The following NPAS3 variants were observed in gnomAD, a reference collection of about 807,000 sequenced individuals.
The protein encoded by NPAS3 is neuronal PAS domain-containing protein 3.
A neutral mutation model predicts 73.1 loss-of-function variants in NPAS3; 14 were observed. The observed-to-expected ratio is 0.19, with a 90% CI of 0.13 to 0.30. The LOEUF (loss-of-function observed/expected upper bound fraction) is 0.30, where lower values mean the gene tolerates loss of function less well. NPAS3 is among the 10% of genes least tolerant of loss of function. The pLI is 1.00. For missense variants in NPAS3, 1,096 were observed against 1,250.0 expected (o/e 0.88, Z 1.86); for synonymous variants, 620 against 541.5 (o/e 1.14, Z -2.01).
At chr14:33,141,650 A>G (rs2044048177) in intron 2 of NPAS3, among the ~76,000 whole-genome samples, 3 of 152,224 alleles carry the variant, frequency 2.0e-5, no homozygotes, top group Admixed American at 1.3e-4. Context: ...TACAATACAT[A>G]TATGGATATA....
At chr14:33,727,129 T>C (rs1566472641) in intron 6 of NPAS3, among the ~76,000 whole-genome samples, 1 of 152,136 alleles carries the variant, frequency 6.6e-6, no homozygotes. Flanking sequence ...CATCTGTGCC[T>C]GAGATGGAGA....
At chr14:33,466,983 T>C (rs993826087) in intron 4 of NPAS3, among the ~76,000 whole-genome samples, 4 of 152,194 alleles carry the variant, frequency 2.6e-5, no homozygotes, top group African/African-American at 9.7e-5. Context: ...AAAAGTTTCA[T>C]GTCTAATATA....
At chr14:33,645,737 C>T (rs189766793) in intron 5 of NPAS3, among the ~76,000 whole-genome samples, 282 of 152,302 alleles carry the variant, frequency 1.9e-3, no homozygotes, top group African/African-American at 6.6e-3. Flanking sequence ...AGCTTGCTGC[C>T]ATGGTCTTGT....
At chr14:33,263,968 C>T (rs1313957761) in intron 3 of NPAS3, among the ~76,000 whole-genome samples, 1 of 152,126 alleles carries the variant, frequency 6.6e-6, no homozygotes, top group Non-Finnish European at 1.5e-5. Context: ...AGGACACATG[C>T]ACACATATGT....
chr14:33,774,268 T>G, intron 7 of NPAS3, 69 bp from the exon 8 acceptor site: 3 of 1,299,040 alleles, frequency 2.3e-6, no homozygotes, highest in Non-Finnish European at 3.3e-6. Context: ...TTTGCATTTC[T>G]CATAAGAAAT....
At chr14:33,094,553 C>T (rs2042341399) in intron 2 of NPAS3, among the ~76,000 whole-genome samples, 1 of 151,782 alleles carries the variant, frequency 6.6e-6, no homozygotes, top group Admixed American at 6.6e-5. Flanking sequence ...GCAACCTCCA[C>T]CTCTTGGGTT....
chr14:33,471,251 C>T (rs888360858), intron 4 of NPAS3, among the ~76,000 whole-genome samples: 2 of 152,214 alleles, frequency 1.3e-5, no homozygotes, highest in African/African-American at 2.4e-5. Context: ...ACCTGAGAGG[C>T]AAGTCACGCT....
intron 2 of NPAS3, 128 bp downstream of exon 2, chr14:33,056,122 A>AC: frequency 1.9e-6 from 1 of 531,060 alleles, no homozygotes; most frequent in East Asian, 3.0e-5. Flanking sequence ...AAAAAAAAAC[A>AC]AAAAAACAAA....
intron 1 of NPAS3, among the ~76,000 whole-genome samples, chr14:32,985,287 T>C (rs554936901): frequency 3.0e-4 from 45 of 152,130 alleles, no homozygotes; most frequent in Non-Finnish European, 6.2e-4. Flanking sequence ...AGGGCTCGTG[T>C]GTGTTGAAGG....
At chr14:33,371,192 G>C (rs143679679) in intron 4 of NPAS3, among the ~76,000 whole-genome samples, 1 of 152,124 alleles carries the variant, frequency 6.6e-6, no homozygotes, top group Non-Finnish European at 1.5e-5. Flanking sequence ...ATAATGTCAA[G>C]GTAGCTAAGG....
rs1204465065 is a variant in NPAS3, at chr14:33,549,768, A to G, written c.469-10353A>G. Among the ~76,000 whole-genome samples, 3 of 152,112 alleles carry G rather than the reference A, an allele frequency of 2.0e-5. 1 individual carries two copies. Among genetic ancestry groups the G allele is most frequent in the African/African-American group, 7.2e-5 (3 of 41,428 alleles). ...TTATTTTCATATTTTAGTTAGTTAT[A>G]CTTACCTTCTTCATAGACAACTTCA... is the stretch of plus-strand genomic sequence containing the variant. On this transcript the variant is annotated intron_variant, in intron 4 of 11. Transcript: ENST00000356141.
At chr14:33,740,429 A>G (rs1316239758) in intron 7 of NPAS3, among the ~76,000 whole-genome samples, 1 of 152,224 alleles carries the variant, frequency 6.6e-6, no homozygotes, top group Non-Finnish European at 1.5e-5. Flanking sequence ...TATGCTGCAC[A>G]TAGTTGTCAC....
chr14:33,702,808 C>G (rs993000702), intron 6 of NPAS3, among the ~76,000 whole-genome samples: 8 of 152,148 alleles, frequency 5.3e-5, no homozygotes, highest in African/African-American at 1.9e-4. Flanking sequence ...ACTTGTGTTA[C>G]AACCACTCTT....
chr14:33,460,746 A>C (rs940635289), intron 4 of NPAS3, among the ~76,000 whole-genome samples: 5 of 152,052 alleles, frequency 3.3e-5, no homozygotes, highest in Non-Finnish European at 7.3e-5. Flanking sequence ...TACCTACTGG[A>C]TTTGCTATTC....
At chr14:33,661,217 C>T (rs2059297670) in intron 5 of NPAS3, among the ~76,000 whole-genome samples, 2 of 152,006 alleles carry the variant, frequency 1.3e-5, no homozygotes, top group Non-Finnish European at 2.9e-5. Context: ...TTTTGAAACC[C>T]TGCTAATTAA....
chr14:33,447,110 T>C (rs1274887469), intron 4 of NPAS3, among the ~76,000 whole-genome samples: 1 of 152,244 alleles, frequency 6.6e-6, no homozygotes, highest in Non-Finnish European at 1.5e-5. Flanking sequence ...AGCAATCCAT[T>C]GTGCTGAGTG....
chr14:33,227,814 C>T (rs1299436669), intron 3 of NPAS3, among the ~76,000 whole-genome samples: 1 of 152,192 alleles, frequency 6.6e-6, no homozygotes, highest in African/African-American at 2.4e-5. Context: ...TCATGTATCC[C>T]AGGCTAGAGA....
At chr14:33,636,315 A>G (rs2058513974) in intron 5 of NPAS3, among the ~76,000 whole-genome samples, 1 of 152,216 alleles carries the variant, frequency 6.6e-6, no homozygotes, top group South Asian at 2.1e-4. Context: ...CCATTTATGA[A>G]AAAGTGTTTG....
chr14:33,542,527 A>T (rs1358360329), intron 4 of NPAS3, among the ~76,000 whole-genome samples: 2 of 151,942 alleles, frequency 1.3e-5, no homozygotes, highest in East Asian at 3.9e-4. Context: ...TTTTTCAATC[A>T]TCTCATCATT....
Sources: gnomAD v4.1 joint callset for allele counts (sites outside exome capture counted in the v4.1 genomes callset) on GRCh38, gnomAD v4.1.1 for gene constraint, MANE v1.5 for transcripts, NCBI Gene and HGNC (gene_info 2026-07-23, HGNC 2026-07-21) for gene names.